The following WASF1 variants were observed in gnomAD, a reference collection of about 807,000 sequenced individuals.
WASF1 encodes WASP family member 1.
Under a neutral mutation model 50.5 loss-of-function variants are expected in WASF1, and 7 were observed. The ratio of observed to expected loss-of-function variants is 0.14; its 90% CI spans 0.08 to 0.26. The LOEUF (loss-of-function observed/expected upper bound fraction) is 0.26, where lower values mean the gene tolerates loss of function less well. Among genes scored for constraint, WASF1 ranks in the 10% least tolerant of loss-of-function variants. The pLI is 1.00. For synonymous variants in WASF1, 205 were observed against 244.0 expected, an observed-to-expected ratio of 0.84 and a Z score of 1.49; for missense variants, 470 against 694.7, an observed-to-expected ratio of 0.68 and a Z score of 3.64.
chr6:110,107,949 G>A (rs910633719), intron 6 of WASF1, among the ~76,000 whole-genome samples: 3 of 151,880 alleles, frequency 2.0e-5, no homozygotes, highest in African/African-American at 2.4e-5. Flanking sequence ...GGTGGATCAC[G>A]AGGTCAGATC....
At chr6:110,129,995 C>G (rs1746283795) in intron 3 of WASF1, among the ~76,000 whole-genome samples, 2 of 152,176 alleles carry the variant, frequency 1.3e-5, no homozygotes, top group African/African-American at 4.8e-5. Flanking sequence ...ACTGACTGTA[C>G]TATCAGTGAA....
chr6:110,177,289 ACTATTAACTATTTTAT>A (rs1776972040), intron 2 of WASF1: 2 of 152,044 alleles, frequency 1.3e-5, no homozygotes, highest in African/African-American at 4.8e-5. Flanking sequence ...ATTTTTGTTT[ACTATTAACTATTTTAT>A]CTATATGTTT....
Position 110,099,822 on chromosome 6 carries a change from T to A in WASF1, c.*700A>T, listed in dbSNP as rs1239026994. The A allele has an allele frequency of 6.6e-6, 1 of 152,528 alleles. No homozygotes were observed. Among genetic ancestry groups the A allele is most frequent in the East Asian group, 1.9e-4 (1 of 5,202 alleles). The allele number at this position is 152,528 out of a possible 1,614,324, so 9.4% of individuals were successfully genotyped here. A position where few individuals can be genotyped will look rare whatever the true frequency, so the allele number is the denominator to read the frequency against. ...TATTCAAAGAGCAACACTGATGAAC[T>A]TTTAAAATGAACCATTTATTAAATC... is the stretch of plus-strand genomic sequence containing the variant. On this transcript the variant is annotated 3_prime_UTR_variant, in exon 11 of 11. Coordinates refer to ENST00000392589, the MANE Select transcript of WASF1 (RefSeq NM_003931.3).
At chr6:110,177,439 G>T (rs963373501) in intron 2 of WASF1, among the ~76,000 whole-genome samples, 3 of 152,062 alleles carry the variant, frequency 2.0e-5, no homozygotes, top group Non-Finnish European at 4.4e-5. Flanking sequence ...ATGTTAATCA[G>T]CCATTCTAAT....
At chr6:110,125,102 A>G (rs1774361942) in intron 4 of WASF1, among the ~76,000 whole-genome samples, 1 of 152,212 alleles carries the variant, frequency 6.6e-6, no homozygotes, top group Non-Finnish European at 1.5e-5. Context: ...TAAGTAATTC[A>G]GATTTTATTA....
chr6:110,122,764 C>T (rs1178924048), intron 4 of WASF1, among the ~76,000 whole-genome samples: 2 of 151,956 alleles, frequency 1.3e-5, no homozygotes, highest in South Asian at 2.1e-4. Context: ...TGTTAAGCAA[C>T]AGTTTATGTT....
chr6:110,105,623 A>G (rs1163643850), intron 7 of WASF1, 44 bp from the exon 8 acceptor site: 12 of 1,581,856 alleles, frequency 7.6e-6, no homozygotes, highest in African/African-American at 1.4e-5. Context: ...TTAAGCGCTA[A>G]TTTTTAAAAA....
intron 3 of WASF1, among the ~76,000 whole-genome samples, chr6:110,146,048 G>T (rs535836239): frequency 2.0e-5 from 3 of 151,702 alleles, no homozygotes; most frequent in Admixed American, 2.0e-4. Flanking sequence ...CGAGTTAATG[G>T]GTACAGCACA....
At chr6:110,178,860 G>C (rs1245118516) in intron 1 of WASF1, 118 bp from the exon 2 acceptor site, 1 of 152,412 alleles carries the variant, frequency 6.6e-6, no homozygotes, top group Non-Finnish European at 1.5e-5. Context: ...GAGCGGCTCC[G>C]TAACTCTGCC....
At chr6:110,126,236 C>T (rs534264518) in intron 4 of WASF1, among the ~76,000 whole-genome samples, 22 of 152,106 alleles carry the variant, frequency 1.4e-4, no homozygotes, top group African/African-American at 5.1e-4. Context: ...TATAGTTAAT[C>T]ATATTTAAAC....
intron 2 of WASF1, among the ~76,000 whole-genome samples, chr6:110,171,476 G>A (rs575185633): frequency 2.0e-5 from 3 of 152,064 alleles, no homozygotes; most frequent in African/African-American, 4.8e-5. Context: ...CAGACGGTCC[G>A]CAGTTTATAA....
intron 4 of WASF1, among the ~76,000 whole-genome samples, chr6:110,124,404 C>G (rs1774329951): frequency 6.7e-6 from 1 of 149,374 alleles, no homozygotes; most frequent in African/African-American, 2.5e-5. Flanking sequence ...AAATTCTACT[C>G]CATTCACTCT....
intron 4 of WASF1, among the ~76,000 whole-genome samples, chr6:110,120,540 C>T (rs564759039): frequency 1.3e-3 from 205 of 152,170 alleles, no homozygotes; most frequent in African/African-American, 4.6e-3. Context: ...TAAAAGAGGA[C>T]ACAAACAAAT....
intron 3 of WASF1, among the ~76,000 whole-genome samples, chr6:110,127,879 C>T (rs1020010668): frequency 2.0e-5 from 3 of 152,110 alleles, no homozygotes; most frequent in African/African-American, 7.2e-5. Flanking sequence ...GATTCACTTC[C>T]ACTTAATAGT....
At chr6:110,113,500 CAG>C (rs1773660272) in intron 4 of WASF1, 40 bp from the exon 5 acceptor site, 1 of 1,529,484 alleles carries the variant, frequency 6.5e-7, no homozygotes, top group Admixed American at 2.1e-5. Flanking sequence ...ATTTAACATC[CAG>C]AGCACTGAGT....
At chr6:110,102,347 T>G (rs1773131034) in intron 9 of WASF1, 131 bp from the exon 10 acceptor site, 2 of 949,058 alleles carry the variant, frequency 2.1e-6, no homozygotes, top group Non-Finnish European at 2.8e-6. Context: ...CCTATAGAAA[T>G]TTAACATCTT....
At chr6:110,105,618 C>A in intron 7 of WASF1, 39 bp from the exon 8 acceptor site, 1 of 1,588,124 alleles carries the variant, frequency 6.3e-7, no homozygotes, top group Non-Finnish European at 8.6e-7. Context: ...AATGCTTAAG[C>A]GCTAATTTTT....
At chr6:110,175,480 C>G (rs538372486) in intron 2 of WASF1, among the ~76,000 whole-genome samples, 8 of 152,164 alleles carry the variant, frequency 5.3e-5, no homozygotes, top group African/African-American at 1.9e-4. Context: ...GAAGAAATGT[C>G]CTCATAAGAG....
At chr6:110,144,939 C>A (rs1040118297) in intron 3 of WASF1, among the ~76,000 whole-genome samples, 2 of 151,918 alleles carry the variant, frequency 1.3e-5, no homozygotes, top group Non-Finnish European at 1.5e-5. Flanking sequence ...CTTGGCGATG[C>A]GGGCTCTTTT....
Sources: gnomAD v4.1 joint callset for allele counts (sites outside exome capture counted in the v4.1 genomes callset) on GRCh38, gnomAD v4.1.1 for gene constraint, MANE v1.5 for transcripts, NCBI Gene and HGNC (gene_info 2026-07-23, HGNC 2026-07-21) for gene names.